PTPRT: variants seen among roughly 807,000 people sequenced by gnomAD.
The protein encoded by PTPRT is protein tyrosine phosphatase receptor type T.
PTPRT carries 56 observed loss-of-function variants against 176.8 expected under a neutral mutation model. The observed-to-expected ratio is 0.32, with a 90% CI of 0.26 to 0.40. The LOEUF is 0.40. Ranked by LOEUF, PTPRT falls within the 10% of genes least tolerant of loss-of-function variation. PTPRT has a pLI of 1.00. For synonymous variants in PTPRT, 783 were observed against 739.0 expected (o/e 1.06, Z -0.96); for missense variants, 1,540 against 1,908.2 (o/e 0.81, Z 3.60).
chr20:42,543,953 T>C (rs1175285550), intron 7 of PTPRT, among the ~76,000 whole-genome samples: 1 of 152,196 alleles, frequency 6.6e-6, no homozygotes, highest in Non-Finnish European at 1.5e-5. Context: ...AACCCTGCTG[T>C]AAACAAATGT....
At chr20:42,745,367 G>A (rs1245741147) in intron 6 of PTPRT, among the ~76,000 whole-genome samples, 1 of 152,200 alleles carries the variant, frequency 6.6e-6, no homozygotes, top group Non-Finnish European at 1.5e-5. Flanking sequence ...ATCTGGGCCA[G>A]TACGACTGGC....
rs558685599 is a variant in PTPRT at position 42,195,165 on chromosome 20, A to G, written c.2491+4075T>C. On this transcript the variant is annotated intron_variant, in intron 16 of 30. Transcript: ENST00000373187. ...AAACTTAAAGCATAATAAAAAAAAGAAAAAAGAAAACCCCAGAAAATAAAC... is the reference window on the plus strand; with the variant it reads ...AAACTTAAAGCATAATAAAAAAAAGGAAAAAGAAAACCCCAGAAAATAAAC... Among the ~76,000 whole-genome samples, 19 of 152,356 alleles carry G rather than the reference A, an allele frequency of 1.2e-4. No individual in the cohort carries two copies. The East Asian group carries it at 3.5e-3, about 28-fold the overall frequency.
At chr20:43,081,116 T>C (rs938282114) in intron 1 of PTPRT, among the ~76,000 whole-genome samples, 1 of 152,254 alleles carries the variant, frequency 6.6e-6, no homozygotes, top group Non-Finnish European at 1.5e-5. Flanking sequence ...TCATTCAGTT[T>C]TGATACTGAG....
Position 42,315,761 on chromosome 20 carries a change from A to G in PTPRT, c.2101T>C (p.Tyr701His), listed in dbSNP as rs780476265. ...WNPPLSPLKS[Y>H]SIYFQALSKA... is the part of the protein sequence containing the mutation. ...CTGAGTGCCTGGAAGTAGATGCTGT[A>G]GCTTTTCAGGGGAGAGAGAGGAGGG... The change falls in exon 12 of 31, where the codon TAC becomes CAC. Residue 701 changes from tyrosine (Y) to histidine (H), a missense_variant. This residue lies in a region of PTPRT where 255 missense variants were observed against 250.1 expected (regional missense o/e 1.02). Transcript: ENST00000373187. The G allele has an allele frequency of 6.2e-7, 1 of 1,614,162 alleles. No homozygotes were observed. Among genetic ancestry groups the G allele is most frequent in the African/African-American group, 1.3e-5 (1 of 75,064 alleles).
chr20:43,140,599 A>G (rs1027665491), intron 1 of PTPRT, among the ~76,000 whole-genome samples: 12 of 152,136 alleles, frequency 7.9e-5, no homozygotes, highest in African/African-American at 2.9e-4. Flanking sequence ...TTCTAGTTGT[A>G]GAGTATTAGA....
In PTPRT at chr20:43,096,156, T is replaced by C. The variant is rs924728472; in HGVS notation, c.88+93490A>G. Among the ~76,000 whole-genome samples, 5 of 149,316 alleles carry C rather than the reference T, an allele frequency of 3.3e-5. No homozygotes were observed. The South Asian group carries it at 6.6e-4, about 20-fold the overall frequency. On this transcript the variant is annotated intron_variant, in intron 1 of 30. Coordinates refer to ENST00000373187, the MANE Select transcript of PTPRT (RefSeq NM_007050.6). ...CTTCTCTGCCTCTCCCTGTTCCCCC[T>C]TCTTCTACTCTATCTCCCCGCCTTG...
In PTPRT at chr20:42,679,928, G is replaced by A. The variant is rs2075574661; in HGVS notation, c.860-1769C>T. ...TTCTTAGAACCAACTGCGAGGAATGGGATTATATGTCAAAGGGTATGAACA... is the reference window on the plus strand; with the variant it reads ...TTCTTAGAACCAACTGCGAGGAATGAGATTATATGTCAAAGGGTATGAACA... On this transcript the variant is annotated intron_variant, in intron 6 of 30. Transcript: ENST00000373187. 2.6e-5 allele frequency among the ~76,000 whole-genome samples: 4 copies of A among 152,076 alleles called. No homozygotes were observed. The South Asian group carries it at 8.3e-4, about 32-fold the overall frequency.
At chr20:42,735,899 G>A (rs2076532901) in intron 6 of PTPRT, among the ~76,000 whole-genome samples, 1 of 152,034 alleles carries the variant, frequency 6.6e-6, no homozygotes. Context: ...CTTAACCTTA[G>A]GTCTTAATGT....
At chr20:42,964,213 T>C (rs1324379671) in intron 1 of PTPRT, among the ~76,000 whole-genome samples, 1 of 152,152 alleles carries the variant, frequency 6.6e-6, no homozygotes, top group Admixed American at 6.5e-5. Context: ...AGAAATTGTC[T>C]CACAGACTGA....
chr20:42,917,771 C>G (rs1978874434), intron 1 of PTPRT, among the ~76,000 whole-genome samples: 2 of 152,150 alleles, frequency 1.3e-5, no homozygotes, highest in Non-Finnish European at 2.9e-5. Context: ...CTCCAGAAGT[C>G]ATAACTAGTG....
At chr20:43,148,884 A>G (rs2014255502) in intron 1 of PTPRT, among the ~76,000 whole-genome samples, 1 of 152,176 alleles carries the variant, frequency 6.6e-6, no homozygotes, top group African/African-American at 2.4e-5. Flanking sequence ...AGATTGCAAA[A>G]CATCAGTAGT....
intron 9 of PTPRT, among the ~76,000 whole-genome samples, chr20:42,431,354 GT>G (rs1464811088): frequency 6.6e-6 from 1 of 151,950 alleles, no homozygotes; most frequent in Non-Finnish European, 1.5e-5. Context: ...TTATCATAGT[GT>G]TATCAAATAT....
At chr20:43,139,119 C>T (rs1452667205) in intron 1 of PTPRT, among the ~76,000 whole-genome samples, 1 of 152,186 alleles carries the variant, frequency 6.6e-6, no homozygotes, top group East Asian at 1.9e-4. Flanking sequence ...TAATAGAGAC[C>T]GCATGGTACA....
chr20:42,717,093 G>T (rs2076236224), intron 6 of PTPRT, among the ~76,000 whole-genome samples: 1 of 151,840 alleles, frequency 6.6e-6, no homozygotes, highest in Non-Finnish European at 1.5e-5. Context: ...GTTAAATGAT[G>T]AGTTAATGGG....
At chr20:43,135,259 T>C (rs944239955) in intron 1 of PTPRT, among the ~76,000 whole-genome samples, 9 of 152,230 alleles carry the variant, frequency 5.9e-5, no homozygotes, top group African/African-American at 1.9e-4. Flanking sequence ...CGTTAGTCTA[T>C]TCTCTGTGTT....
chr20:42,433,129 T>C (rs1297419927), intron 9 of PTPRT, among the ~76,000 whole-genome samples: 2 of 152,190 alleles, frequency 1.3e-5, no homozygotes, highest in African/African-American at 2.4e-5. Flanking sequence ...CAGCTGCCGA[T>C]GGGGGATACA....
At chr20:42,926,148 T>A (rs544992727) in intron 1 of PTPRT, among the ~76,000 whole-genome samples, 1 of 152,316 alleles carries the variant, frequency 6.6e-6, no homozygotes, top group East Asian at 1.9e-4. Flanking sequence ...TATCCCACCT[T>A]CAGACCTGTT....
the PTPRT span, among the ~76,000 whole-genome samples, chr20:42,052,610 C>A: frequency 6.6e-6 from 1 of 152,108 alleles, no homozygotes; most frequent in African/African-American, 2.4e-5. Context: ...CTGTGTATGC[C>A]GTTGGTATCC....
At position 42,270,162 on chromosome 20, in the gene PTPRT, T is replaced by C. The variant is rs374738841; in HGVS notation, c.2176+12327A>G. ...ACAGTGCCTGGCACCCAGTAGGTAC[T>C]TAGTAAGCATTAGTAGAAGGAATGA... On this transcript the variant is annotated intron_variant, in intron 13 of 30. Transcript: ENST00000373187. Among the ~76,000 whole-genome samples, 143 of 152,008 alleles carry C rather than the reference T, an allele frequency of 9.4e-4. 1 individual carries two copies. The Middle Eastern group carries it at 0.014, about 14-fold the overall frequency.
Sources: gnomAD v4.1 joint callset for allele counts (sites outside exome capture counted in the v4.1 genomes callset) on GRCh38, gnomAD v4.1.1 for gene constraint, gnomAD v4.1.1 regional missense constraint, MANE v1.5 for transcripts, NCBI Gene and HGNC (gene_info 2026-07-23, HGNC 2026-07-21) for gene names.